Variants in ZC4H2 observed in about 807,000 individuals in gnomAD.
ZC4H2 encodes zinc finger C4H2-type containing, also known as zinc finger C4H2 domain-containing protein.
For missense variants in ZC4H2, 137 were observed against 173.9 expected, an observed-to-expected ratio of 0.79 and a Z score of 1.19; for synonymous variants, 84 against 66.3, an observed-to-expected ratio of 1.27 and a Z score of -1.30.
chrX:64,978,337 C>T (rs1032618753), upstream of ZC4H2, among the ~76,000 whole-genome samples: 2 of 112,018 alleles, frequency 1.8e-5, no homozygotes, highest in Non-Finnish European at 3.8e-5. Flanking sequence ...ATAAAATTCT[C>T]CCTGGTGTCT....
intron 1 of ZC4H2, among the ~76,000 whole-genome samples, chrX:65,009,338 G>A (rs1332766706): frequency 2.7e-5 from 3 of 110,365 alleles, no homozygotes; most frequent in Non-Finnish European, 5.7e-5. Flanking sequence ...ACACCTTACT[G>A]TCCAAGCCTT....
chrX:65,023,316 A>T (rs1932850809), intron 1 of ZC4H2, among the ~76,000 whole-genome samples: 1 of 111,656 alleles, frequency 9.0e-6, no homozygotes, highest in African/African-American at 3.3e-5. Flanking sequence ...AGACAATTTG[A>T]CTTCCTCTTT....
intron 1 of ZC4H2, among the ~76,000 whole-genome samples, chrX:64,970,967 CGTAA>C (rs1384624657): frequency 3.6e-5 from 4 of 111,800 alleles, no homozygotes; most frequent in African/African-American, 3.3e-5. Context: ...TAAGAAATGA[CGTAA>C]GTGAGAAATG....
intron 1 of ZC4H2, among the ~76,000 whole-genome samples, chrX:64,986,587 C>T (rs141995096): frequency 6.4e-4 from 71 of 111,765 alleles, no homozygotes; most frequent in African/African-American, 2.2e-3. Flanking sequence ...ACAAGGAGAG[C>T]TCCAAGGCAG....
intron 1 of ZC4H2, among the ~76,000 whole-genome samples, chrX:64,930,483 C>A (rs753665538): frequency 3.0e-4 from 33 of 111,710 alleles, no homozygotes; most frequent in South Asian, 2.3e-3. Flanking sequence ...TTTCCCCATT[C>A]AGTATAATGT....
chrX:64,922,901 T>C (rs1471327701), intron 1 of ZC4H2, among the ~76,000 whole-genome samples: 1 of 111,790 alleles, frequency 8.9e-6, no homozygotes, highest in Non-Finnish European at 1.9e-5. Flanking sequence ...AGCACAACTC[T>C]AGAGGGTGTG....
At chrX:64,928,343 C>G (rs1242623275) in intron 1 of ZC4H2, among the ~76,000 whole-genome samples, 1 of 111,976 alleles carries the variant, frequency 8.9e-6, no homozygotes, top group East Asian at 2.8e-4. Flanking sequence ...CTGCTTATGG[C>G]TAGCCAGTTT....
intron 1 of ZC4H2, among the ~76,000 whole-genome samples, chrX:64,943,763 G>T (rs1376192643): frequency 1.8e-5 from 2 of 111,018 alleles, no homozygotes; most frequent in South Asian, 3.8e-4. Flanking sequence ...GAACAGTGAT[G>T]GGTCTTGAGT....
intron 1 of ZC4H2, among the ~76,000 whole-genome samples, chrX:64,938,607 C>A (rs1243953314): frequency 8.9e-6 from 1 of 111,827 alleles, no homozygotes. Flanking sequence ...TGGCTCCATA[C>A]CTGGGATGCA....
At chrX:65,015,293 T>G (rs1932790169) in intron 1 of ZC4H2, among the ~76,000 whole-genome samples, 1 of 112,010 alleles carries the variant, frequency 8.9e-6, no homozygotes, top group African/African-American at 3.2e-5. Context: ...TCTCATTTAA[T>G]AAAACACTGA....
At chrX:64,932,386 C>T (rs1249715286) in intron 1 of ZC4H2, among the ~76,000 whole-genome samples, 1 of 111,195 alleles carries the variant, frequency 9.0e-6, no homozygotes, top group East Asian at 2.8e-4. Flanking sequence ...ATGTGAGGTA[C>T]TGTTGTACTT....
chrX:64,996,942 T>C lies in ZC4H2; in HGVS notation c.-272+37687A>G, dbSNP rs188906522. Among the ~76,000 whole-genome samples, 172 of 112,117 alleles carry C rather than the reference T, an allele frequency of 1.5e-3. 4 individuals carry two copies. In the South Asian group the frequency reaches 0.062, roughly 41 times the overall value. On this transcript the variant is annotated intron_variant, in intron 1 of 4. Transcript: ENST00000337990. ...GTAGAAACAATATTTCAAGAAATAATGACTGAATACTTCCAAAATTTGATG... is the reference window on the plus strand; with the variant it reads ...GTAGAAACAATATTTCAAGAAATAACGACTGAATACTTCCAAAATTTGATG...
rs766622642 is a variant in ZC4H2, at chrX:64,965,307, G to A, written c.53+11018C>T. ...TTAAAAAGATATAGTAATCAAATCA[G>A]CAAACTATTGGCATAAAGATACACA... On this transcript the variant is annotated intron_variant, in intron 1 of 4. Coordinates refer to ENST00000374839, the MANE Select transcript of ZC4H2 (RefSeq NM_018684.4). The A allele has an allele frequency of 2.9e-5, 5 of 171,781 alleles. No homozygotes were observed. In the South Asian group the frequency reaches 4.3e-4, roughly 15 times the overall value. 14.2% of individuals were successfully genotyped at this position (171,781 alleles called of 1,213,427 possible).
upstream of ZC4H2, among the ~76,000 whole-genome samples, chrX:64,977,503 A>T (rs935868814): frequency 2.7e-5 from 3 of 111,796 alleles, no homozygotes; most frequent in Non-Finnish European, 3.8e-5. Context: ...TAAATTAATT[A>T]ATTTATTTAT....
chrX:65,006,495 T>C (rs904493243), intron 1 of ZC4H2, among the ~76,000 whole-genome samples: 13 of 101,339 alleles, frequency 1.3e-4, no homozygotes, highest in Non-Finnish European at 2.0e-5. Flanking sequence ...CACTCACAGG[T>C]GGGAACTGAA....
intron 1 of ZC4H2, among the ~76,000 whole-genome samples, chrX:65,018,462 G>A (rs1004966477): frequency 6.3e-5 from 7 of 111,937 alleles, no homozygotes; most frequent in African/African-American, 1.6e-4. Context: ...AAGAGAAACC[G>A]TGAGAGACTG....
intron 4 of ZC4H2, 88 bp from the exon 5 acceptor site, chrX:64,917,984 G>T: frequency 9.6e-7 from 1 of 1,042,027 alleles, no homozygotes; most frequent in South Asian, 2.2e-5. Flanking sequence ...GGCCCAGAAA[G>T]CAAAGTGATT....
chrX:64,980,497 C>T (rs745812164), upstream of ZC4H2, among the ~76,000 whole-genome samples: 1 of 111,679 alleles, frequency 9.0e-6, no homozygotes, highest in Non-Finnish European at 1.9e-5. Context: ...CAGGAGGTAT[C>T]GAGGATTAAT....
chrX:65,004,932 CAAT>C (rs954987244), intron 1 of ZC4H2, among the ~76,000 whole-genome samples: 4 of 111,537 alleles, frequency 3.6e-5, no homozygotes, highest in African/African-American at 1.3e-4. Context: ...TCCTATACAA[CAAT>C]AATAGACACA....
Sources: allele counts gnomAD v4.1 joint callset (sites outside exome capture counted in the v4.1 genomes callset), GRCh38; gene constraint gnomAD v4.1.1; transcripts MANE v1.5; gene names NCBI Gene and HGNC (gene_info 2026-07-23, HGNC 2026-07-21).